Variants in SFSWAP observed in about 807,000 individuals in gnomAD.
The protein encoded by SFSWAP is splicing factor SWAP, also known as splicing factor, suppressor of white-apricot homolog.
A neutral mutation model predicts 100.7 loss-of-function variants in SFSWAP; 17 were observed. That is an observed-to-expected ratio of 0.17 (90% confidence interval 0.12 to 0.25). The LOEUF (loss-of-function observed/expected upper bound fraction) is 0.25. Ranked by LOEUF, SFSWAP falls within the 10% of genes least tolerant of loss-of-function variation. The pLI is 1.00. For missense variants in SFSWAP, 1,005 were observed against 1,262.6 expected (o/e 0.80, Z 3.09); for synonymous variants, 504 against 510.1 (o/e 0.99, Z 0.16).
At chr12:131,754,301 C>T (rs141463991) in intron 8 of SFSWAP, 67 bp from the exon 9 acceptor site, 65 of 1,350,182 alleles carry the variant, frequency 4.8e-5, no homozygotes, top group South Asian at 8.6e-5. Context: ...TGAGGACCCC[C>T]GAGCAGCCAG....
rs1362035073 is a variant in SFSWAP at position 131,799,048 on chromosome 12, A to G, written c.2729A>G (p.Gln910Arg). 1.2e-6 allele frequency: 2 copies of G among 1,613,694 alleles called. No homozygotes were observed. Among genetic ancestry groups the G allele is most frequent in the Non-Finnish European group, 8.5e-7 (1 of 1,179,550 alleles). The change falls in exon 17 of 18, where the codon CAG becomes CGG. Residue 910 changes from glutamine (Q) to arginine (R), a missense_variant. This residue lies in a region of SFSWAP where 295 missense variants were observed against 347.9 expected (regional missense o/e 0.85). Coordinates refer to ENST00000261674, the MANE Select transcript of SFSWAP (RefSeq NM_004592.4). ...SSQERSRGVS[Q>R]EKEAQISSAI... ...TCTCTCTGCATTAGGGGAGTCTCTCAGGAAAAAGAAGCCCAGATCTCTTCA... is the reference window on the plus strand; with the variant it reads ...TCTCTCTGCATTAGGGGAGTCTCTCGGGAAAAAGAAGCCCAGATCTCTTCA...
At position 131,725,639 on chromosome 12, in the gene SFSWAP, C is replaced by T. The variant is rs1878896827; in HGVS notation, c.832+9C>T. 3 of 1,601,342 alleles carry T rather than the reference C, an allele frequency of 1.9e-6. No homozygotes were observed. Among genetic ancestry groups the T allele is most frequent in the African/African-American group, 2.7e-5 (2 of 74,714 alleles). ...AAGTGACGAGAAAAAAAGTAGGTCC[C>T]ACTGCGTCTGTTCCGTCCAGACTTT... is the stretch of plus-strand genomic sequence containing the variant. On this transcript the variant is annotated intron_variant, in intron 5 of 17. Coordinates refer to ENST00000261674, the MANE Select transcript of SFSWAP (RefSeq NM_004592.4). The surrounding 1 kb of genome is among the most constrained non-coding windows in gnomAD (Gnocchi z 4.3).
intron 14 of SFSWAP, chr12:131,783,792 T>TTATTTATATATATATATATATATA (rs1555251680): frequency 1.2e-5 from 1 of 86,682 alleles, no homozygotes; most frequent in East Asian, 5.7e-4. Context: ...AAAAAACATT[T>TTATTTATATATATATATATATATA]TATATATATA....
At chr12:131,762,550 A>G (rs764404762) in intron 11 of SFSWAP, among the ~76,000 whole-genome samples, 16 of 152,068 alleles carry the variant, frequency 1.1e-4, no homozygotes, top group Non-Finnish European at 2.1e-4. Context: ...TTATTAAATC[A>G]TTTTGTGATA....
chr12:131,711,140 G>A lies in SFSWAP; in HGVS notation c.-90G>A. On this transcript the variant is annotated 5_prime_UTR_variant, in exon 1 of 18. Transcript: ENST00000261674. This position sits in a 1 kb window ranked among gnomAD's most constrained non-coding sequence, Gnocchi z 4.9. ...TGTTGAGGTTGGGTACGGGATGCGG[G>A]GTCTTTGACTGAAGGGGTAGGCCAA... 1 of 1,052,282 alleles carries A rather than the reference G, an allele frequency of 9.5e-7. No individual in the cohort carries two copies. The highest frequency in any genetic ancestry group is 1.3e-6 in the Non-Finnish European group (1 of 746,146). The allele number at this position is 1,052,282 out of a possible 1,614,324, so 65.2% of individuals were successfully genotyped here.
chr12:131,755,381 C>T lies in SFSWAP; in HGVS notation c.1455-5C>T, dbSNP rs1819051773. 1.2e-6 allele frequency: 2 copies of T among 1,610,054 alleles called. No individual in the cohort carries two copies. The highest frequency in any genetic ancestry group is 1.3e-5 in the African/African-American group (1 of 74,934). ...ATGACCCATTTTCTTTCTTTTTCTG[C>T]TCAGATTTGAGTTCCTGCAGCCGTG... is the stretch of plus-strand genomic sequence containing the variant. On this transcript the variant is annotated splice_polypyrimidine_tract_variant and splice_region_variant and intron_variant, in intron 9 of 17. Transcript: ENST00000261674.
chr12:131,754,343 G>T, intron 8 of SFSWAP, 25 bp from the exon 9 acceptor site: 1 of 1,497,364 alleles, frequency 6.7e-7, no homozygotes, highest in Non-Finnish European at 8.9e-7. Flanking sequence ...GAAGCCCAGG[G>T]GTCTCACAGA....
chr12:131,717,294 C>A (rs1490515448), intron 3 of SFSWAP, among the ~76,000 whole-genome samples: 1 of 152,156 alleles, frequency 6.6e-6, no homozygotes, highest in East Asian at 1.9e-4. Context: ...TAGCCAAAAG[C>A]ATTTTGATGG....
intron 3 of SFSWAP, 36 bp from the exon 4 acceptor site, chr12:131,719,418 C>A: frequency 6.5e-7 from 1 of 1,535,288 alleles, no homozygotes; most frequent in Admixed American, 1.7e-5. Flanking sequence ...TTCCTCCCTG[C>A]ATTGTTCTGA....
intron 15 of SFSWAP, among the ~76,000 whole-genome samples, chr12:131,788,950 A>G (rs1885073499): frequency 6.6e-6 from 1 of 152,008 alleles, no homozygotes; most frequent in South Asian, 2.1e-4. Flanking sequence ...GGAAATGCCC[A>G]CTACCGAGAT....
chr12:131,720,022 A>G (rs1593109692), intron 4 of SFSWAP, among the ~76,000 whole-genome samples: 1 of 152,120 alleles, frequency 6.6e-6, no homozygotes, highest in Admixed American at 6.6e-5. Flanking sequence ...GGCCCAGGCC[A>G]CCCTTCCACT....
At chr12:131,739,125 A>C (rs975625170) in intron 7 of SFSWAP, among the ~76,000 whole-genome samples, 2 of 151,836 alleles carry the variant, frequency 1.3e-5, no homozygotes, top group African/African-American at 4.8e-5. Context: ...TGATCCACCC[A>C]CCTTGGCCTC....
Position 131,725,711 on chromosome 12 carries a change from G to A in SFSWAP, c.832+81G>A. 1 of 1,009,704 alleles carries A rather than the reference G, an allele frequency of 9.9e-7. No homozygotes were observed. Among genetic ancestry groups the A allele is most frequent in the Non-Finnish European group, 1.5e-6 (1 of 656,944 alleles). 62.5% of individuals were successfully genotyped at this position (1,009,704 alleles called of 1,614,324 possible). A position where few individuals can be genotyped will look rare whatever the true frequency, so the allele number is the denominator to read the frequency against. On this transcript the variant is annotated intron_variant, in intron 5 of 17. Transcript: ENST00000261674. The surrounding 1 kb of genome is among the most constrained non-coding windows in gnomAD (Gnocchi z 4.3). ...CAGGCTGGGTGGTTCTGGGAAAAGT[G>A]TGAAGATACACATTCTTACAGATGC...
chr12:131,739,420 G>A (rs1241171748), intron 7 of SFSWAP, among the ~76,000 whole-genome samples: 1 of 151,704 alleles, frequency 6.6e-6, no homozygotes, highest in Non-Finnish European at 1.5e-5. Flanking sequence ...ATTTAAGAGT[G>A]AGTAGGACAG....
chr12:131,758,710 G>A (rs541250035), intron 11 of SFSWAP, among the ~76,000 whole-genome samples: 5 of 152,316 alleles, frequency 3.3e-5, no homozygotes, highest in Admixed American at 2.0e-4. Flanking sequence ...ACATAGGGAG[G>A]CCAGGGCAGG....
At position 131,714,048 on chromosome 12, in the gene SFSWAP, T is replaced by C; in HGVS notation, c.219-23T>C. The C allele has an allele frequency of 6.2e-7, 1 of 1,603,060 alleles. No homozygotes were observed. Among genetic ancestry groups the C allele is most frequent in the South Asian group, 1.1e-5 (1 of 90,380 alleles). On this transcript the variant is annotated intron_variant, in intron 1 of 17. Coordinates refer to ENST00000261674, the MANE Select transcript of SFSWAP (RefSeq NM_004592.4). This position sits in a 1 kb window ranked among gnomAD's most constrained non-coding sequence, Gnocchi z 6.0. ...AGTCTAGACGTTAATTTCCTTTTAT[T>C]GACCAGCTTGTTCACATTACAGATA...
At chr12:131,717,909 T>C (rs1221301854) in intron 3 of SFSWAP, among the ~76,000 whole-genome samples, 1 of 152,084 alleles carries the variant, frequency 6.6e-6, no homozygotes, top group East Asian at 1.9e-4. Flanking sequence ...TTTTCTATTT[T>C]TAATGGAGAC....
At chr12:131,715,346 C>T (rs904032390) in intron 3 of SFSWAP, among the ~76,000 whole-genome samples, 1 of 152,296 alleles carries the variant, frequency 6.6e-6, no homozygotes, top group African/African-American at 2.4e-5. Flanking sequence ...TATCCCTCCA[C>T]AACTGAGACA....
chr12:131,731,362 T>C (rs1879494693), intron 7 of SFSWAP, among the ~76,000 whole-genome samples: 1 of 152,214 alleles, frequency 6.6e-6, no homozygotes, highest in Non-Finnish European at 1.5e-5. Context: ...AGTACCTTGT[T>C]CTGCCTGCCT....
Sources: allele counts gnomAD v4.1 joint callset (sites outside exome capture counted in the v4.1 genomes callset), GRCh38; gene constraint gnomAD v4.1.1; regional missense constraint gnomAD v4.1.1; non-coding constraint Gnocchi (gnomAD v3.1); transcripts MANE v1.5; gene names NCBI Gene and HGNC (gene_info 2026-07-23, HGNC 2026-07-21).